Variants in TSHZ3 observed in about 807,000 individuals in gnomAD.
TSHZ3 encodes teashirt homolog 3.
A neutral mutation model predicts 64.5 loss-of-function variants in TSHZ3; 10 were observed. The ratio of observed to expected loss-of-function variants is 0.16; its 90% CI spans 0.10 to 0.26. TSHZ3 has a LOEUF of 0.26. Ranked by LOEUF, TSHZ3 falls within the 10% of genes least tolerant of loss-of-function variation. The pLI is 1.00. For synonymous variants in TSHZ3, 608 were observed against 593.1 expected (o/e 1.03, Z -0.36); for missense variants, 1,242 against 1,421.7 (o/e 0.87, Z 2.03).
Position 31,277,772 on chromosome 19 carries a change from G to C in TSHZ3, c.2021C>G (p.Pro674Arg), listed in dbSNP as rs747619045. The C allele has an allele frequency of 2.0e-6, 3 of 1,528,838 alleles. No individual in the cohort carries two copies. Among genetic ancestry groups the C allele is most frequent in the African/African-American group, 2.8e-5 (2 of 71,976 alleles). The allele number at this position is 1,528,838 out of a possible 1,614,324, so 94.7% of individuals were successfully genotyped here. A position where few individuals can be genotyped will look rare whatever the true frequency, so the allele number is the denominator to read the frequency against. The change falls in exon 2 of 2, where the codon CCG (proline) becomes CGG (arginine). Residue 674 changes from proline to arginine, a missense_variant. Pro to Arg is a moderately radical substitution (Grantham distance 103). Transcript: ENST00000240587. The surrounding 1 kb of genome is among the most constrained non-coding windows in gnomAD (Gnocchi z 4.5). Reference protein sequence around the residue: ...FRSQENSPSPPRDGCKDGSPL... With the variant: ...FRSQENSPSPRRDGCKDGSPL... ...GCTCCCATCCTTGCACCCATCCCGC[G>C]GGGGGCTGGGGCTGTTCTCCTGGCT...
chr19:31,301,482 T>C (rs1290655651), intron 1 of TSHZ3, among the ~76,000 whole-genome samples: 1 of 152,196 alleles, frequency 6.6e-6, no homozygotes, highest in Non-Finnish European at 1.5e-5. Context: ...CGCCGTCTTG[T>C]CCACAATTAT....
chr19:31,312,022 C>T (rs1239858633), intron 1 of TSHZ3, among the ~76,000 whole-genome samples: 1 of 152,216 alleles, frequency 6.6e-6, no homozygotes, highest in African/African-American at 2.4e-5. Flanking sequence ...CTGCACCCGG[C>T]CAAGCCACTC....
chr19:31,298,559 A>AGCCTCC (rs1398334754), intron 1 of TSHZ3, among the ~76,000 whole-genome samples: 1 of 152,252 alleles, frequency 6.6e-6, no homozygotes, highest in East Asian at 1.9e-4. Context: ...GATGCACAGA[A>AGCCTCC]GCCTCCCATC....
At chr19:31,336,423 G>A (rs928048504) in intron 1 of TSHZ3, among the ~76,000 whole-genome samples, 9 of 152,148 alleles carry the variant, frequency 5.9e-5, no homozygotes, top group African/African-American at 2.2e-4. Flanking sequence ...AGACAGATTC[G>A]AAGTAGGATG....
chr19:31,326,092 A>G (rs965473398), intron 1 of TSHZ3, among the ~76,000 whole-genome samples: 1 of 152,232 alleles, frequency 6.6e-6, no homozygotes, highest in Admixed American at 6.5e-5. Flanking sequence ...GTCAAAGTAA[A>G]CTGCAGATAT....
chr19:31,160,740 A>G lies in TSHZ3; in HGVS notation n.810-4323T>C, dbSNP rs111610160. ...TATACACATACACACACGTATACAC[A>G]CACACATACACAAAACTACACACAC... On this transcript the variant is annotated intron_variant and non_coding_transcript_variant, in intron 5 of 6. Transcript: ENST00000651361. Among the ~76,000 whole-genome samples, 320 of 152,238 alleles carry G rather than the reference A, an allele frequency of 2.1e-3. 2 individuals carry two copies. Among genetic ancestry groups the G allele is most frequent in the African/African-American group, 7.3e-3 (305 of 41,534 alleles).
chr19:31,315,262 G>A (rs946499555), intron 1 of TSHZ3, among the ~76,000 whole-genome samples: 2 of 152,050 alleles, frequency 1.3e-5, no homozygotes, highest in Non-Finnish European at 2.9e-5. Context: ...CTCCTTCGAG[G>A]CTCACATCAG....
At chr19:31,242,426 C>G (rs1039532683) in exon 3 of TSHZ3, among the ~76,000 whole-genome samples, 1 of 152,252 alleles carries the variant, frequency 6.6e-6, no homozygotes, top group East Asian at 1.9e-4. Flanking sequence ...AAACCTGGGG[C>G]AGGGGTTGCT....
chr19:31,191,131 A>G (rs956190302), intron 5 of TSHZ3, among the ~76,000 whole-genome samples: 2 of 152,178 alleles, frequency 1.3e-5, no homozygotes, highest in Admixed American at 6.5e-5. Flanking sequence ...ATTATTTGGA[A>G]AAAAATGACT....
At chr19:31,272,805 T>A (rs145897324), downstream of TSHZ3, among the ~76,000 whole-genome samples, 12 of 152,278 alleles carry the variant, frequency 7.9e-5, no homozygotes, top group African/African-American at 2.9e-4. Context: ...TCGGAAGATA[T>A]ACAGTAGGAC....
At chr19:31,239,206 C>A (rs1324828037) in intron 3 of TSHZ3, among the ~76,000 whole-genome samples, 1 of 152,018 alleles carries the variant, frequency 6.6e-6, no homozygotes, top group Non-Finnish European at 1.5e-5. Context: ...ATCCTTCCTA[C>A]AATTGCTATC....
At chr19:31,339,954 T>A (rs1917381779) in intron 1 of TSHZ3, among the ~76,000 whole-genome samples, 1 of 151,926 alleles carries the variant, frequency 6.6e-6, no homozygotes, top group African/African-American at 2.4e-5. Context: ...GGTTAGCCCT[T>A]TTATTTATTT....
intron 4 of TSHZ3, among the ~76,000 whole-genome samples, chr19:31,207,884 T>G (rs1436248220): frequency 6.6e-6 from 1 of 152,218 alleles, no homozygotes; most frequent in African/African-American, 2.4e-5. Flanking sequence ...CACACAGGCC[T>G]ATAAAATAGT....
chr19:31,349,407 C>T lies in TSHZ3; in HGVS notation c.-188G>A. 2.3e-6 allele frequency: 1 copy of T among 431,410 alleles called. No individual in the cohort carries two copies. The highest frequency in any genetic ancestry group is 3.9e-6 in the Non-Finnish European group (1 of 257,754). The allele number at this position is 431,410 out of a possible 1,614,324, so 26.7% of individuals were successfully genotyped here. A position where few individuals can be genotyped will look rare whatever the true frequency, so the allele number is the denominator to read the frequency against. On this transcript the variant is annotated 5_prime_UTR_variant, in exon 1 of 2. Coordinates refer to ENST00000240587, the MANE Select transcript of TSHZ3 (RefSeq NM_020856.4). ...GCGTCCCCCCCGCGCCGCGCTCCGC[C>T]GCGAACCCCGAACGTGCGGAGGGAA... is the stretch of plus-strand genomic sequence containing the variant.
chr19:31,224,644 G>C (rs1975435941), intron 4 of TSHZ3, among the ~76,000 whole-genome samples: 1 of 152,156 alleles, frequency 6.6e-6, no homozygotes, highest in South Asian at 2.1e-4. Flanking sequence ...TAGCCTTAGG[G>C]CTTGAGGACA....
intron 5 of TSHZ3, among the ~76,000 whole-genome samples, chr19:31,179,388 A>G (rs941561998): frequency 1.3e-5 from 2 of 152,200 alleles, no homozygotes; most frequent in African/African-American, 4.8e-5. Context: ...TCTGATATCC[A>G]TCTCTTGTAG....
intron 5 of TSHZ3, among the ~76,000 whole-genome samples, chr19:31,185,259 C>A (rs1162695939): frequency 6.6e-6 from 1 of 152,196 alleles, no homozygotes. Flanking sequence ...GGGCTTAAAG[C>A]TCTTCTTCAA....
At chr19:31,235,352 C>T (rs1355839674) in intron 3 of TSHZ3, among the ~76,000 whole-genome samples, 1 of 152,138 alleles carries the variant, frequency 6.6e-6, no homozygotes, top group African/African-American at 2.4e-5. Flanking sequence ...CCCATTTCCC[C>T]CCAACCCCAA....
chr19:31,331,317 G>T (rs1390446234), intron 1 of TSHZ3, among the ~76,000 whole-genome samples: 1 of 152,064 alleles, frequency 6.6e-6, no homozygotes, highest in Non-Finnish European at 1.5e-5. Context: ...TGAGTTAAAG[G>T]GGCATTAATT....
Sources: allele counts gnomAD v4.1 joint callset (sites outside exome capture counted in the v4.1 genomes callset), GRCh38; gene constraint gnomAD v4.1.1; non-coding constraint Gnocchi (gnomAD v3.1); transcripts MANE v1.5; gene names NCBI Gene and HGNC (gene_info 2026-07-23, HGNC 2026-07-21).